UGT2B7: variants seen among roughly 807,000 people sequenced by gnomAD.
The protein encoded by UGT2B7 is UDP-glucuronosyltransferase 2B7.
A neutral mutation model predicts 51.9 loss-of-function variants in UGT2B7; 51 were observed. The observed-to-expected ratio is 0.98, with a 90% CI of 0.78 to 1.24. The LOEUF is 1.24. Among genes scored for constraint, UGT2B7 ranks in the 50% most tolerant of loss-of-function variants. The pLI is 0.00. For synonymous variants in UGT2B7, 225 were observed against 211.6 expected (o/e 1.06, Z -0.55); for missense variants, 727 against 628.4 (o/e 1.16, Z -1.68).
chr4:69,112,651 C>T lies in UGT2B7; in HGVS notation c.1505C>T (p.Ala502Val). The T allele has an allele frequency of 1.9e-6, 3 of 1,613,780 alleles. No individual in the cohort carries two copies. The highest frequency in any genetic ancestry group is 2.5e-6 in the Non-Finnish European group (3 of 1,179,856). The change falls in exon 6 of 6, where the codon GCA becomes GTA. Residue 502 changes from alanine to valine, a missense_variant. Physicochemically the swap from Ala to Val is moderately conservative, Grantham distance 64. Transcript: ENST00000305231. ...DVIGFLLVCV[A>V]TVIFIVTKCC... ...ATTGGGTTCCTGCTGGTCTGTGTGG[C>T]AACTGTGATATTTATCGTCACAAAA...
At chr4:69,079,626 A>G (rs565179110) in intron 1 of UGT2B7, among the ~76,000 whole-genome samples, 61 of 152,252 alleles carry the variant, frequency 4.0e-4, no homozygotes, top group Non-Finnish European at 7.6e-4. Context: ...GCCTTCCATT[A>G]ACGTTGCATT....
chr4:69,100,634 C>T (rs1719389605), intron 2 of UGT2B7, among the ~76,000 whole-genome samples: 1 of 151,906 alleles, frequency 6.6e-6, no homozygotes, highest in African/African-American at 2.4e-5. Context: ...AAGGGAAAAA[C>T]TGATAGTGTC....
At chr4:69,068,791 T>G (rs1489609493) in intron 1 of UGT2B7, among the ~76,000 whole-genome samples, 1 of 151,972 alleles carries the variant, frequency 6.6e-6, no homozygotes, top group Non-Finnish European at 1.5e-5. Context: ...CACTTTTTGG[T>G]TTTGACTTGG....
rs142755579 is a variant in UGT2B7 at position 69,088,836 on chromosome 4, A to G, written c.-158-636A>G. On this transcript the variant is annotated intron_variant, in intron 1 of 5. Transcript: ENST00000502942. The stretch of plus-strand genomic sequence containing the variant: ...GACAAAAGTGGGCTTCCCAAACCAA[A>G]AAGATTCACAGATCCATGAAGAAAC... Among the ~76,000 whole-genome samples, 144 of 152,194 alleles carry G rather than the reference A, an allele frequency of 9.5e-4. 1 individual carries two copies. The highest frequency in any genetic ancestry group is 3.3e-3 in the African/African-American group (136 of 41,548).
Position 69,107,262 on chromosome 4 carries a change from G to T in UGT2B7, c.1090G>T (p.Gly364Cys). 6.2e-7 allele frequency: 1 copy of T among 1,604,404 alleles called. No individual in the cohort carries two copies. Among genetic ancestry groups the T allele is most frequent in the Non-Finnish European group, 8.5e-7 (1 of 1,174,548 alleles). ...GTGGATACCCCAGAATGACCTTCTA[G>T]GTAAGACTCTGGTGAACAAATACTG... The part of the protein sequence containing the change: ...YKWIPQNDLL[G>C]HPKTRAFITH... The change falls in exon 4 of 6, where the codon GGT becomes TGT. Residue 364 changes from glycine (G) to cysteine (C), a missense_variant and splice_region_variant. Gly to Cys is a radical substitution (Grantham distance 159, BLOSUM62 -3). Coordinates refer to ENST00000305231, the MANE Select transcript of UGT2B7 (RefSeq NM_001074.4).
intron 1 of UGT2B7, among the ~76,000 whole-genome samples, chr4:69,064,094 A>AAG (rs112391559): frequency 2.4e-5 from 2 of 84,422 alleles, no homozygotes; most frequent in African/African-American, 1.0e-4. Context: ...GAAAGAAAGA[A>AAG]AGAGAAAGAA....
intron 1 of UGT2B7, among the ~76,000 whole-genome samples, chr4:69,064,194 C>A (rs552188270): frequency 6.6e-6 from 1 of 152,152 alleles, no homozygotes; most frequent in African/African-American, 2.4e-5. Context: ...TTGTCCCAGA[C>A]GCAGCAACGG....
chr4:69,088,157 A>C (rs1480045167), intron 1 of UGT2B7, among the ~76,000 whole-genome samples: 1 of 151,918 alleles, frequency 6.6e-6, no homozygotes, highest in Non-Finnish European at 1.5e-5. Flanking sequence ...TGATTGGGTA[A>C]TTACATATGT....
intron 2 of UGT2B7, 39 bp from the exon 3 acceptor site, chr4:69,102,768 T>C (rs1187451897): frequency 1.2e-6 from 2 of 1,606,254 alleles, no homozygotes; most frequent in Non-Finnish European, 1.7e-6. Flanking sequence ...CCCGCTGTGC[T>C]AATACTCTTT....
intron 5 of UGT2B7, 93 bp downstream of exon 5, chr4:69,108,415 A>T (rs1444840236): frequency 1.3e-5 from 18 of 1,372,006 alleles, no homozygotes; most frequent in Non-Finnish European, 1.6e-5. Flanking sequence ...ATAAGAGACT[A>T]ATTTTGAAAG....
chr4:69,096,420 G>C, upstream of UGT2B7: 1 of 1,563,658 alleles, frequency 6.4e-7, no homozygotes, highest in Non-Finnish European at 8.7e-7. Context: ...TGACTTATAA[G>C]GGTTACATTT....
intron 1 of UGT2B7, among the ~76,000 whole-genome samples, chr4:69,071,561 C>T (rs1241927776): frequency 6.6e-6 from 1 of 152,060 alleles, no homozygotes; most frequent in Non-Finnish European, 1.5e-5. Context: ...TTCCATCTGA[C>T]AAGAGATGTG....
chr4:69,100,074 C>A (rs1231346122), intron 2 of UGT2B7, among the ~76,000 whole-genome samples: 1 of 151,932 alleles, frequency 6.6e-6, no homozygotes, highest in Non-Finnish European at 1.5e-5. Flanking sequence ...GCATTTAAAT[C>A]ATTCTTCATT....
rs1252787997 is a variant in UGT2B7 at position 69,108,146 on chromosome 4, T to C, written c.1134T>C (p.Asn378=). ...TRAFITHGGA[N]GIYEAIYHGI... ...CTTTTATAACTCATGGTGGAGCCAA[T>C]GGCATCTACGAGGCAATCTACCATG... The change falls in exon 5 of 6, where the codon AAT becomes AAC. Residue 378 remains asparagine, a synonymous_variant. Coordinates refer to ENST00000305231, the MANE Select transcript of UGT2B7 (RefSeq NM_001074.4). The C allele has an allele frequency of 6.2e-7, 1 of 1,613,650 alleles. No individual in the cohort carries two copies. Among genetic ancestry groups the C allele is most frequent in the South Asian group, 1.1e-5 (1 of 91,076 alleles).
At chr4:69,076,139 A>G (rs1173215389) in intron 1 of UGT2B7, among the ~76,000 whole-genome samples, 2 of 152,170 alleles carry the variant, frequency 1.3e-5, no homozygotes, top group African/African-American at 2.4e-5. Flanking sequence ...ATAGTATTCT[A>G]TGATATATAT....
At chr4:69,089,239 T>C (rs575968421) in intron 1 of UGT2B7, among the ~76,000 whole-genome samples, 1 of 152,328 alleles carries the variant, frequency 6.6e-6, no homozygotes, top group African/African-American at 2.4e-5. Context: ...ATTTATCATT[T>C]AAGTGTTCTG....
chr4:69,064,028 G>GAA, intron 1 of UGT2B7, among the ~76,000 whole-genome samples: 1 of 54,016 alleles, frequency 1.9e-5, no homozygotes, highest in Non-Finnish European at 3.3e-5. Context: ...GGGAAAGAAA[G>GAA]AAAGAAAGAA....
chr4:69,095,737 T>C (rs987063484), upstream of UGT2B7, among the ~76,000 whole-genome samples: 1 of 152,208 alleles, frequency 6.6e-6, no homozygotes, highest in Non-Finnish European at 1.5e-5. Context: ...TAGTGTCATC[T>C]TGAAACTCTC....
intron 1 of UGT2B7, among the ~76,000 whole-genome samples, chr4:69,070,658 G>C (rs1157164010): frequency 6.6e-6 from 1 of 151,994 alleles, no homozygotes; most frequent in Non-Finnish European, 1.5e-5. Context: ...TGGGCTACAT[G>C]GAAATAGAAA....
Sources: gnomAD v4.1 joint callset for allele counts (sites outside exome capture counted in the v4.1 genomes callset) on GRCh38, gnomAD v4.1.1 for gene constraint, MANE v1.5 for transcripts, NCBI Gene and HGNC (gene_info 2026-07-23, HGNC 2026-07-21) for gene names.